Variants in KCTD1 observed in about 807,000 individuals in gnomAD.
KCTD1 encodes potassium channel tetramerization domain containing 1.
Under a neutral mutation model 66.0 loss-of-function variants are expected in KCTD1, and 24 were observed. The observed-to-expected ratio is 0.36, with a 90% CI of 0.26 to 0.51. The LOEUF (loss-of-function observed/expected upper bound fraction) is 0.51. Ranked by LOEUF, KCTD1 falls within the 20% of genes least tolerant of loss-of-function variation. The probability of loss-of-function intolerance (pLI) is 0.95; values close to 1 mark genes in which losing one functional copy is unlikely to be tolerated. For synonymous variants in KCTD1, 511 were observed against 517.2 expected (o/e 0.99, Z 0.16); for missense variants, 943 against 1,205.2 (o/e 0.78, Z 3.22).
intron 1 of KCTD1, among the ~76,000 whole-genome samples, chr18:26,540,119 A>G (rs186924406): frequency 3.4e-4 from 52 of 152,294 alleles, no homozygotes; most frequent in Non-Finnish European, 6.6e-4. Context: ...ATGGGGAGAT[A>G]CTAGGCTGAA....
chr18:26,599,673 G>A, intron 1 of KCTD1: 1 of 1,480,930 alleles, frequency 6.8e-7, no homozygotes, highest in Non-Finnish European at 9.4e-7. Flanking sequence ...CTTCGGCCTG[G>A]TGGATGTCTT....
chr18:26,455,551 C>A lies in KCTD1; in HGVS notation c.*192G>T, dbSNP rs1378936945. On this transcript the variant is annotated 3_prime_UTR_variant, in exon 5 of 5. Coordinates refer to ENST00000580059, the MANE Select transcript of KCTD1 (RefSeq NM_001142730.3). Reference sequence around the variant, plus strand: ...TATATATATATTTATATATTTTTTACACCTTGAGGATATCACTATTCCAAT... The same window carrying A: ...TATATATATATTTATATATTTTTTAAACCTTGAGGATATCACTATTCCAAT... 8 of 392,972 alleles carry A rather than the reference C, an allele frequency of 2.0e-5. No homozygotes were observed. In the East Asian group the frequency reaches 3.4e-4, roughly 16 times the overall value. 24.3% of individuals were successfully genotyped at this position (392,972 alleles called of 1,614,324 possible).
chr18:26,513,685 T>G (rs1983475451), intron 1 of KCTD1, among the ~76,000 whole-genome samples: 1 of 152,256 alleles, frequency 6.6e-6, no homozygotes, highest in Non-Finnish European at 1.5e-5. Flanking sequence ...GACCAGATGC[T>G]CTGTAATGCT....
chr18:26,500,993 A>G (rs1982730315), intron 2 of KCTD1, 79 bp downstream of exon 2: 5 of 1,490,872 alleles, frequency 3.4e-6, no homozygotes, highest in East Asian at 2.3e-5. Flanking sequence ...ACGAGGCTAC[A>G]CTGCTATGCT....
chr18:26,594,763 A>C (rs779452538), intron 1 of KCTD1, among the ~76,000 whole-genome samples: 3 of 152,138 alleles, frequency 2.0e-5, no homozygotes, highest in Non-Finnish European at 4.4e-5. Flanking sequence ...ATTACCCCCC[A>C]TCATGTGAGT....
chr18:26,492,199 A>G (rs1046898301), intron 2 of KCTD1, among the ~76,000 whole-genome samples: 1 of 152,116 alleles, frequency 6.6e-6, no homozygotes, highest in African/African-American at 2.4e-5. Flanking sequence ...CTGTGACTGC[A>G]CCACTGTACT....
chr18:26,460,312 C>G (rs1156856549), intron 3 of KCTD1, among the ~76,000 whole-genome samples: 2 of 152,188 alleles, frequency 1.3e-5, no homozygotes, highest in Non-Finnish European at 2.9e-5. Flanking sequence ...TTGGGTATTT[C>G]AAGTTTGATT....
intron 1 of KCTD1, among the ~76,000 whole-genome samples, chr18:26,620,322 A>T (rs1555647697): frequency 7.9e-6 from 1 of 126,122 alleles, no homozygotes; most frequent in Admixed American, 9.4e-5. Context: ...TTCACGTGTG[A>T]GTTTGCATTT....
At chr18:26,509,115 C>T (rs1019809954) in intron 1 of KCTD1, among the ~76,000 whole-genome samples, 9 of 151,104 alleles carry the variant, frequency 6.0e-5, no homozygotes, top group African/African-American at 2.2e-4. Context: ...GCAGAATGAG[C>T]CTGAAGAGAA....
At chr18:26,471,490 C>T (rs892380849) in intron 3 of KCTD1, among the ~76,000 whole-genome samples, 1 of 151,894 alleles carries the variant, frequency 6.6e-6, no homozygotes, top group African/African-American at 2.4e-5. Context: ...AAGAGAAAGT[C>T]CCTGCAGAAT....
intron 1 of KCTD1, among the ~76,000 whole-genome samples, chr18:26,578,240 G>A (rs1986276153): frequency 6.6e-6 from 1 of 151,596 alleles, no homozygotes; most frequent in Admixed American, 6.6e-5. Context: ...TTTTATCTTA[G>A]TAAGCAGTAA....
At chr18:26,533,484 G>A (rs897355404) in intron 1 of KCTD1, among the ~76,000 whole-genome samples, 2 of 152,064 alleles carry the variant, frequency 1.3e-5, no homozygotes, top group Middle Eastern at 3.2e-3. Context: ...ATTGTATTTG[G>A]ATGAGATCTT....
intron 1 of KCTD1, among the ~76,000 whole-genome samples, chr18:26,592,013 A>G (rs1986619462): frequency 6.6e-6 from 1 of 152,202 alleles, no homozygotes; most frequent in Non-Finnish European, 1.5e-5. Flanking sequence ...CTGTCTAGTT[A>G]CTGTGTAAGT....
intron 2 of KCTD1, among the ~76,000 whole-genome samples, chr18:26,486,333 A>C (rs918451372): frequency 2.0e-5 from 3 of 152,218 alleles, no homozygotes; most frequent in African/African-American, 4.8e-5. Context: ...GTCCCTGAAG[A>C]GTGAGGGCCA....
chr18:26,601,326 T>TTAAAAAAAAAAAAAAA (rs1555646203), intron 1 of KCTD1, among the ~76,000 whole-genome samples: 1 of 93,252 alleles, frequency 1.1e-5, no homozygotes, highest in Non-Finnish European at 2.0e-5. Flanking sequence ...TGTTCATTGG[T>TTAAAAAAAAAAAAAAA]AAAAAAAAAA....
chr18:26,469,007 G>A (rs1980904145), intron 3 of KCTD1, among the ~76,000 whole-genome samples: 1 of 152,140 alleles, frequency 6.6e-6, no homozygotes, highest in Non-Finnish European at 1.5e-5. Context: ...TCCTGCTGAT[G>A]CAATTCCATC....
intron 3 of KCTD1, among the ~76,000 whole-genome samples, chr18:26,475,365 TA>T (rs1981287506): frequency 6.6e-6 from 1 of 152,236 alleles, no homozygotes; most frequent in Admixed American, 6.5e-5. Flanking sequence ...ATCTTAACAA[TA>T]TTGAGGTTTC....
At chr18:26,555,192 G>A (rs533531584) in intron 1 of KCTD1, among the ~76,000 whole-genome samples, 29 of 152,298 alleles carry the variant, frequency 1.9e-4, no homozygotes, top group Admixed American at 5.9e-4. Flanking sequence ...ACGATTTGCT[G>A]TTATTTCAAA....
chr18:26,575,528 A>G (rs993491462), intron 1 of KCTD1: 2 of 152,206 alleles, frequency 1.3e-5, no homozygotes, highest in Admixed American at 1.3e-4. Flanking sequence ...ACACCAGAAC[A>G]AAGACAGCCA....
Sources: allele counts gnomAD v4.1 joint callset (sites outside exome capture counted in the v4.1 genomes callset), GRCh38; gene constraint gnomAD v4.1.1; transcripts MANE v1.5; gene names NCBI Gene and HGNC (gene_info 2026-07-23, HGNC 2026-07-21).